The following FGF14 variants were observed in gnomAD, a reference collection of about 807,000 sequenced individuals.
FGF14 encodes the protein fibroblast growth factor homologous factor 4.
In FGF14, 5 loss-of-function variants were observed where a neutral mutation model predicts 25.5. That is an observed-to-expected ratio of 0.20 (90% CI 0.10 to 0.41). The LOEUF is 0.41. FGF14 is among the 10% of genes least tolerant of loss of function. FGF14 has a pLI of 1.00. For synonymous variants in FGF14, 138 were observed against 118.3 expected (o/e 1.17, Z -1.08); for missense variants, 222 against 320.1 (o/e 0.69, Z 2.34).
chr13:101,807,560 T>C (rs1181335218), intron 3 of FGF14, among the ~76,000 whole-genome samples: 1 of 152,106 alleles, frequency 6.6e-6, no homozygotes, highest in African/African-American at 2.4e-5. Flanking sequence ...AATTAAAGCA[T>C]CATTTTTCTC....
chr13:101,991,807 C>T (rs1004340555), intron 1 of FGF14, among the ~76,000 whole-genome samples: 3 of 152,032 alleles, frequency 2.0e-5, no homozygotes, highest in Admixed American at 6.6e-5. Flanking sequence ...GGGCTAGTCT[C>T]GGCAAGAAGC....
chr13:102,384,891 A>G (rs1006748505), intron 1 of FGF14, among the ~76,000 whole-genome samples: 1 of 152,186 alleles, frequency 6.6e-6, no homozygotes, highest in African/African-American at 2.4e-5. Flanking sequence ...AACAAACAAA[A>G]TAAACAAAAA....
chr13:101,939,743 A>G (rs759403864), intron 1 of FGF14, among the ~76,000 whole-genome samples: 27 of 152,216 alleles, frequency 1.8e-4, no homozygotes, highest in Non-Finnish European at 3.8e-4. Context: ...CAGTCTCACT[A>G]TCAGAAGGAT....
intron 3 of FGF14, among the ~76,000 whole-genome samples, chr13:101,730,771 G>T (rs2035755652): frequency 6.6e-6 from 1 of 152,176 alleles, no homozygotes; most frequent in Non-Finnish European, 1.5e-5. Flanking sequence ...TGCCTCTAAT[G>T]ACCAGGTAGA....
At chr13:101,955,187 T>C (rs1412687791) in intron 1 of FGF14, among the ~76,000 whole-genome samples, 1 of 152,218 alleles carries the variant, frequency 6.6e-6, no homozygotes, top group Non-Finnish European at 1.5e-5. Flanking sequence ...AACACTTTCA[T>C]TTTAGTTGTC....
intron 1 of FGF14, among the ~76,000 whole-genome samples, chr13:101,942,855 TAAC>T (rs2035542393): frequency 6.6e-6 from 1 of 152,124 alleles, no homozygotes; most frequent in African/African-American, 2.4e-5. Context: ...AGCCAGAAAA[TAAC>T]TATATAAAAC....
Position 101,714,828 on chromosome 13 carries a change from G to GT in FGF14, c.*8002dup. On this transcript the variant is annotated 3_prime_UTR_variant, in exon 5 of 5. Transcript: ENST00000376143. The stretch of plus-strand genomic sequence containing the variant: ...CCACCCTCAAACTCACATGTATGCA[G>GT]TTGTATATTGAACACAGAAAAGAAT... The GT allele has an allele frequency of 2.4e-6, 1 of 415,158 alleles. No individual in the cohort carries two copies. Among genetic ancestry groups the GT allele is most frequent in the Non-Finnish European group, 4.3e-6 (1 of 230,890 alleles). 25.7% of individuals were successfully genotyped at this position (415,158 alleles called of 1,614,324 possible).
chr13:102,102,141 C>G (rs2044692177), intron 1 of FGF14, among the ~76,000 whole-genome samples: 1 of 152,182 alleles, frequency 6.6e-6, no homozygotes, highest in African/African-American at 2.4e-5. Flanking sequence ...ATTAACTTTG[C>G]ACAAATGATC....
intron 1 of FGF14, among the ~76,000 whole-genome samples, chr13:102,031,753 T>C (rs1224202516): frequency 6.6e-6 from 1 of 151,848 alleles, no homozygotes; most frequent in Non-Finnish European, 1.5e-5. Flanking sequence ...CCCTAAGACC[T>C]TTAGAAATGT....
intron 1 of FGF14, among the ~76,000 whole-genome samples, chr13:102,138,184 T>TA (rs928220155): frequency 5.4e-5 from 7 of 129,982 alleles, no homozygotes; most frequent in African/African-American, 2.0e-4. Context: ...TGATCTAACT[T>TA]ATGGCCCTAA....
rs559115785 is a variant in FGF14, at chr13:102,394,222, C to T, written c.208+7249G>A. The T allele has an allele frequency of 3.3e-5, 5 of 152,612 alleles. No individual in the cohort carries two copies. The South Asian group carries it at 1.0e-3, about 32-fold the overall frequency. 9.5% of individuals were successfully genotyped at this position (152,612 alleles called of 1,614,324 possible). ...TCCCTTCCCTTTCCTTCAGATGGGT[C>T]TCGGGTCCAGAGCTGGCGCCCGCTA... is the stretch of plus-strand genomic sequence containing the variant. On this transcript the variant is annotated intron_variant, in intron 1 of 4. Coordinates refer to the FGF14 transcript ENST00000376131.
At chr13:101,915,723 G>C (rs572315940) in intron 1 of FGF14, among the ~76,000 whole-genome samples, 2 of 152,110 alleles carry the variant, frequency 1.3e-5, no homozygotes, top group Non-Finnish European at 2.9e-5. Context: ...CAGGCAATTC[G>C]CCAGTTTTTC....
chr13:102,170,680 T>C (rs1002037603), intron 1 of FGF14, among the ~76,000 whole-genome samples: 6 of 152,058 alleles, frequency 3.9e-5, no homozygotes, highest in African/African-American at 1.4e-4. Context: ...TTGAAAAACA[T>C]GAAAAAACAA....
chr13:102,401,343 T>C (rs961050238), intron 1 of FGF14: 6 of 860,910 alleles, frequency 7.0e-6, no homozygotes, highest in African/African-American at 1.7e-5. Context: ...CACCTCTATA[T>C]GCAACACTGT....
chr13:102,190,904 T>C (rs2049094890), intron 1 of FGF14, among the ~76,000 whole-genome samples: 1 of 152,092 alleles, frequency 6.6e-6, no homozygotes, highest in Non-Finnish European at 1.5e-5. Context: ...CCTACTCCCA[T>C]CCTCTCTTCT....
chr13:102,229,395 G>T (rs1928510), intron 1 of FGF14, among the ~76,000 whole-genome samples: 1 of 152,126 alleles, frequency 6.6e-6, no homozygotes, highest in South Asian at 2.1e-4. Flanking sequence ...TATTATCACC[G>T]TTTCACAGAT....
At chr13:101,755,190 T>C (rs2037561193) in intron 3 of FGF14, among the ~76,000 whole-genome samples, 1 of 152,188 alleles carries the variant, frequency 6.6e-6, no homozygotes, top group South Asian at 2.1e-4. Context: ...TAGAAATACT[T>C]AGAATAGCTC....
chr13:102,294,066 C>T (rs1329158092), intron 1 of FGF14: 1 of 151,988 alleles, frequency 6.6e-6, no homozygotes, highest in East Asian at 1.9e-4. Flanking sequence ...AATGAACAAA[C>T]ACTTAACATC....
At chr13:102,374,807 T>C (rs778239736) in intron 1 of FGF14, among the ~76,000 whole-genome samples, 7 of 150,778 alleles carry the variant, frequency 4.6e-5, no homozygotes, top group Non-Finnish European at 1.0e-4. Context: ...AATTAAGGGC[T>C]AAAGTAAATT....
Sources: allele counts gnomAD v4.1 joint callset (sites outside exome capture counted in the v4.1 genomes callset), GRCh38; gene constraint gnomAD v4.1.1; transcripts MANE v1.5; gene names NCBI Gene and HGNC (gene_info 2026-07-23, HGNC 2026-07-21).